The following DOCK8 variants were observed in gnomAD, a reference collection of about 807,000 sequenced individuals.
DOCK8 encodes dedicator of cytokinesis 8, also known as dedicator of cytokinesis protein 8.
In DOCK8, 141 loss-of-function variants were observed where a neutral mutation model predicts 245.6. That is an observed-to-expected ratio of 0.57 (90% CI 0.50 to 0.66). The LOEUF (loss-of-function observed/expected upper bound fraction) is 0.66. Among genes scored for constraint, DOCK8 ranks in the 30% least tolerant of loss-of-function variants. The pLI is 0.00. For missense variants in DOCK8, 2,965 were observed against 2,603.4 expected (o/e 1.14, Z -3.02); for synonymous variants, 1,168 against 970.2 (o/e 1.20, Z -3.79).
chr9:417,448 A>T (rs16938557), intron 29 of DOCK8, among the ~76,000 whole-genome samples: 18,249 of 152,238 alleles, frequency 0.12, 1,193 homozygotes, highest in African/African-American at 0.16. Flanking sequence ...TGAGTGAATC[A>T]ATCAGTTGTG....
In DOCK8 at chr9:378,741, G is replaced by A. The variant is rs1056616441; in HGVS notation, c.2441-1030G>A. Among the ~76,000 whole-genome samples the A allele has an allele frequency of 3.3e-5, 5 of 152,242 alleles. No individual in the cohort carries two copies. In the South Asian group the frequency reaches 8.3e-4, roughly 25 times the overall value. On this transcript the variant is annotated intron_variant, in intron 20 of 47. Transcript: ENST00000432829. ...CACCTTGTGGTGTGAGGACCACAGGGTGTTGGCATAGGCAGAATAAGTGGA... is the reference window on the plus strand; with the variant it reads ...CACCTTGTGGTGTGAGGACCACAGGATGTTGGCATAGGCAGAATAAGTGGA...
rs1272521448 is a variant in DOCK8, at chr9:375,982, T to A, written c.2110-228T>A. ...ACTGCACTTCAGCCTGGCGACAGAG[T>A]GGGACCCTGTCTCAAAAGGAATGAA... On this transcript the variant is annotated intron_variant, in intron 18 of 47. Coordinates refer to ENST00000432829, the MANE Select transcript of DOCK8 (RefSeq NM_203447.4). Among the ~76,000 whole-genome samples the A allele has an allele frequency of 7.9e-5, 12 of 152,112 alleles. No individual in the cohort carries two copies. In the East Asian group the frequency reaches 2.3e-3, roughly 29 times the overall value.
intron 40 of DOCK8, 105 bp from the exon 41 acceptor site, chr9:441,181 A>G: frequency 6.5e-7 from 1 of 1,530,188 alleles, no homozygotes; most frequent in Non-Finnish European, 9.0e-7. Flanking sequence ...GTGATACAAC[A>G]ATAAATTCAC....
intron 14 of DOCK8, among the ~76,000 whole-genome samples, chr9:355,103 CAG>C (rs1164835326): frequency 6.6e-6 from 1 of 151,440 alleles, no homozygotes; most frequent in East Asian, 1.9e-4. Context: ...AGGAGGGTGA[CAG>C]GGAGGGCAGG....
intron 1 of DOCK8, chr9:215,294 C>T (rs758596505): frequency 6.2e-7 from 1 of 1,607,620 alleles, no homozygotes; most frequent in Non-Finnish European, 8.5e-7. Flanking sequence ...CTTCCCCGAA[C>T]AACCTCGCCC....
intron 35 of DOCK8, among the ~76,000 whole-genome samples, chr9:429,449 ATGCGACCTGGCTCACAG>A (rs1425067443): frequency 6.6e-6 from 1 of 152,226 alleles, no homozygotes; most frequent in African/African-American, 2.4e-5. Context: ...TCACCAGTGA[ATGCGACCTGGCTCACAG>A]TGCAGTTGAT....
At chr9:281,223 C>T (rs977339188) in intron 2 of DOCK8, among the ~76,000 whole-genome samples, 1 of 151,526 alleles carries the variant, frequency 6.6e-6, no homozygotes, top group African/African-American at 2.4e-5. Context: ...CACTGCAGTC[C>T]AGCAACGGAG....
intron 24 of DOCK8, among the ~76,000 whole-genome samples, chr9:393,562 C>T (rs1399520980): frequency 6.6e-6 from 1 of 152,178 alleles, no homozygotes; most frequent in African/African-American, 2.4e-5. Context: ...CACTTCACTG[C>T]CCCTAACTGC....
At position 301,095 on chromosome 9, in the gene DOCK8, A is replaced by G. The variant is rs139179547; in HGVS notation, c.405-3486A>G. Among the ~76,000 whole-genome samples the G allele has an allele frequency of 3.9e-3, 589 of 152,346 alleles. 4 individuals carry two copies. The highest frequency in any genetic ancestry group is 0.014 in the African/African-American group (567 of 41,584). On this transcript the variant is annotated intron_variant, in intron 4 of 47. Transcript: ENST00000432829. Reference sequence around the variant, plus strand: ...GAACATCGACACAAAAATCCTCAACAAAATACTACAAACCAAATCCAGCAG... The same window carrying G: ...GAACATCGACACAAAAATCCTCAACGAAATACTACAAACCAAATCCAGCAG...
chr9:353,759 G>A (rs1031391049), intron 14 of DOCK8, among the ~76,000 whole-genome samples: 7 of 152,196 alleles, frequency 4.6e-5, no homozygotes, highest in African/African-American at 1.7e-4. Context: ...CTTGAGCAAA[G>A]CCAAGTATTA....
At chr9:423,565 T>G (rs1288750709) in intron 33 of DOCK8, among the ~76,000 whole-genome samples, 2 of 152,254 alleles carry the variant, frequency 1.3e-5, no homozygotes, top group African/African-American at 4.8e-5. Context: ...ATCATTCTGG[T>G]TAACTTATGG....
intron 4 of DOCK8, among the ~76,000 whole-genome samples, chr9:290,445 T>C (rs1335214850): frequency 6.6e-6 from 1 of 152,080 alleles, no homozygotes; most frequent in Non-Finnish European, 1.5e-5. Flanking sequence ...GGGGGAAAAA[T>C]TAAGTGAATT....
At chr9:329,723 T>A (rs2050922690) in intron 9 of DOCK8, among the ~76,000 whole-genome samples, 1 of 152,246 alleles carries the variant, frequency 6.6e-6, no homozygotes, top group Non-Finnish European at 1.5e-5. Flanking sequence ...CCAAATTTTA[T>A]CTCAAACTCT....
intron 36 of DOCK8, among the ~76,000 whole-genome samples, chr9:430,057 G>T (rs189453892): frequency 7.9e-5 from 12 of 152,266 alleles, no homozygotes; most frequent in African/African-American, 2.4e-4. Context: ...AAATGCAGTG[G>T]TCTCTATCAG....
chr9:299,497 A>G lies in DOCK8; in HGVS notation c.405-5084A>G, dbSNP rs2049426978. On this transcript the variant is annotated intron_variant, in intron 4 of 47. Transcript: ENST00000432829. Reference sequence around the variant, plus strand: ...AGGCTGGTCTCAAACTCCTGGGCTCAAGTGGTGCTCCCGCCTTGGCCTCCC... The same window carrying G: ...AGGCTGGTCTCAAACTCCTGGGCTCGAGTGGTGCTCCCGCCTTGGCCTCCC... Among the ~76,000 whole-genome samples the G allele has an allele frequency of 2.0e-5, 3 of 152,068 alleles. No homozygotes were observed. In the South Asian group the frequency reaches 6.2e-4, roughly 32 times the overall value.
At chr9:272,981 C>T (rs2992835) in intron 2 of DOCK8, 2 of 955,356 alleles carry the variant, frequency 2.1e-6, no homozygotes, top group East Asian at 1.2e-4. Context: ...TTTGTTTCTA[C>T]TTATTACTTC....
chr9:216,592 T>C (rs2046760429), intron 1 of DOCK8, among the ~76,000 whole-genome samples: 1 of 146,306 alleles, frequency 6.8e-6, no homozygotes, highest in Admixed American at 6.8e-5. Context: ...GGGATCTCCC[T>C]ATGGGAATTT....
intron 14 of DOCK8, among the ~76,000 whole-genome samples, chr9:356,397 G>A (rs371906380): frequency 1.4e-3 from 213 of 152,194 alleles, no homozygotes; most frequent in African/African-American, 4.8e-3. Flanking sequence ...AGGCGTGGTA[G>A]CAGGCGCCTG....
rs2054230306 is a variant in DOCK8, at chr9:392,187, C to A, written c.2970+1621C>A. Among the ~76,000 whole-genome samples, 5 of 150,186 alleles carry A rather than the reference C, an allele frequency of 3.3e-5. No homozygotes were observed. In the South Asian group the frequency reaches 1.1e-3, roughly 32 times the overall value. ...GACTAAAGAGATGGGAGGGGTTCCA[C>A]CTAAGCTCTAGTTTTTGTATGTAAG... On this transcript the variant is annotated intron_variant, in intron 24 of 47. Transcript: ENST00000432829.
Sources: gnomAD v4.1 joint callset for allele counts (sites outside exome capture counted in the v4.1 genomes callset) on GRCh38, gnomAD v4.1.1 for gene constraint, MANE v1.5 for transcripts, NCBI Gene and HGNC (gene_info 2026-07-23, HGNC 2026-07-21) for gene names.